The following PTPRM variants were observed in gnomAD, a reference collection of about 807,000 sequenced individuals.
PTPRM encodes the protein protein tyrosine phosphatase receptor type M, also known as receptor-type tyrosine-protein phosphatase mu.
In PTPRM, 47 loss-of-function variants were observed where a neutral mutation model predicts 186.7. That is an observed-to-expected ratio of 0.25 (90% CI 0.20 to 0.32). The LOEUF is 0.32. Among genes scored for constraint, PTPRM ranks in the 10% least tolerant of loss-of-function variants. The pLI is 1.00. For missense variants in PTPRM, 1,494 were observed against 1,865.0 expected, an observed-to-expected ratio of 0.80 and a Z score of 3.66; for synonymous variants, 668 against 674.9, an observed-to-expected ratio of 0.99 and a Z score of 0.16.
intron 14 of PTPRM, among the ~76,000 whole-genome samples, chr18:8,194,986 G>A (rs1400294190): frequency 1.3e-5 from 2 of 151,920 alleles, no homozygotes; most frequent in African/African-American, 4.8e-5. Flanking sequence ...GCACCTGAGG[G>A]CCCCACCATC....
intron 13 of PTPRM, among the ~76,000 whole-genome samples, chr18:8,142,717 AC>A (rs1345086600): frequency 1.3e-5 from 2 of 152,218 alleles, no homozygotes; most frequent in Non-Finnish European, 2.9e-5. Flanking sequence ...ATTCGGAATG[AC>A]CTGTCACCTA....
chr18:8,170,452 C>G (rs2093382641), intron 14 of PTPRM, among the ~76,000 whole-genome samples: 1 of 151,002 alleles, frequency 6.6e-6, no homozygotes, highest in African/African-American at 2.4e-5. Flanking sequence ...TTTTACCATT[C>G]TCTCTGTGCA....
At chr18:8,338,722 G>A (rs567917852) in intron 22 of PTPRM, among the ~76,000 whole-genome samples, 22 of 152,222 alleles carry the variant, frequency 1.4e-4, no homozygotes, top group Middle Eastern at 3.4e-3. Context: ...ACAGGACCTG[G>A]GAAACAGTAA....
chr18:8,258,952 T>G (rs1334613574), intron 19 of PTPRM, among the ~76,000 whole-genome samples: 2 of 152,180 alleles, frequency 1.3e-5, no homozygotes, highest in Non-Finnish European at 2.9e-5. Flanking sequence ...TTTTTTGTTT[T>G]TGTTTGTTTT....
At chr18:7,826,098 A>T (rs2045470471) in intron 2 of PTPRM, among the ~76,000 whole-genome samples, 1 of 152,198 alleles carries the variant, frequency 6.6e-6, no homozygotes, top group Non-Finnish European at 1.5e-5. Flanking sequence ...GTACAATAGC[A>T]GCGTTCAGAA....
chr18:7,744,496 G>T (rs182946299), intron 1 of PTPRM, among the ~76,000 whole-genome samples: 1 of 152,268 alleles, frequency 6.6e-6, no homozygotes, highest in East Asian at 1.9e-4. Context: ...ATTTTATGAG[G>T]TTCTGTTTTT....
At chr18:8,040,599 T>G (rs913220226) in intron 7 of PTPRM, among the ~76,000 whole-genome samples, 21 of 152,202 alleles carry the variant, frequency 1.4e-4, no homozygotes, top group African/African-American at 5.1e-4. Context: ...TTTCTTGTCG[T>G]TTGCTACCTT....
intron 7 of PTPRM, among the ~76,000 whole-genome samples, chr18:8,053,517 A>G (rs1054883204): frequency 6.6e-6 from 1 of 152,150 alleles, no homozygotes; most frequent in African/African-American, 2.4e-5. Flanking sequence ...GTTGTGCTCC[A>G]TGTCTGTTCT....
At chr18:7,998,897 T>TA (rs1244417106) in intron 7 of PTPRM, among the ~76,000 whole-genome samples, 1 of 152,182 alleles carries the variant, frequency 6.6e-6, no homozygotes, top group Non-Finnish European at 1.5e-5. Context: ...TCAAGTGATC[T>TA]ACCCGCCTTG....
At chr18:8,029,798 G>T (rs1444784562) in intron 7 of PTPRM, among the ~76,000 whole-genome samples, 1 of 152,166 alleles carries the variant, frequency 6.6e-6, no homozygotes, top group African/African-American at 2.4e-5. Flanking sequence ...GGAAATACTG[G>T]CTAAATTGAG....
At chr18:8,226,435 T>C (rs2094215163) in intron 14 of PTPRM, among the ~76,000 whole-genome samples, 1 of 152,180 alleles carries the variant, frequency 6.6e-6, no homozygotes, top group Non-Finnish European at 1.5e-5. Context: ...AACAAGAAAT[T>C]CAGAATCAGA....
chr18:8,038,625 G>C (rs1227432351), intron 7 of PTPRM, among the ~76,000 whole-genome samples: 7 of 152,104 alleles, frequency 4.6e-5, no homozygotes, highest in African/African-American at 1.4e-4. Flanking sequence ...CTCCTAGCCT[G>C]AAGTGACTCA....
At position 7,590,601 on chromosome 18, in the gene PTPRM, A is replaced by T. The variant is rs532295017; in HGVS notation, c.73+22710A>T. Among the ~76,000 whole-genome samples the T allele has an allele frequency of 2.6e-5, 4 of 152,340 alleles. No individual in the cohort carries two copies. In the East Asian group the frequency reaches 7.7e-4, roughly 29 times the overall value. On this transcript the variant is annotated intron_variant, in intron 1 of 32. Transcript: ENST00000580170. The stretch of plus-strand genomic sequence containing the variant: ...CTAAATATCCGACAATAGAGAGTGG[A>T]TTAAATCCTGGTATATTCATGTAAT...
intron 2 of PTPRM, among the ~76,000 whole-genome samples, chr18:7,854,302 C>A (rs1255480140): frequency 2.6e-5 from 4 of 151,912 alleles, no homozygotes; most frequent in Middle Eastern, 3.5e-3. Context: ...GGAATTCTGA[C>A]CTCATACTTC....
At chr18:8,172,216 C>T (rs183142533) in intron 14 of PTPRM, among the ~76,000 whole-genome samples, 16 of 150,176 alleles carry the variant, frequency 1.1e-4, no homozygotes, top group South Asian at 2.1e-4. Flanking sequence ...AGAAAGGTGG[C>T]AAAGATACAG....
At chr18:8,162,988 C>T (rs2093259310) in intron 14 of PTPRM, among the ~76,000 whole-genome samples, 1 of 152,190 alleles carries the variant, frequency 6.6e-6, no homozygotes, top group South Asian at 2.1e-4. Context: ...AGCCGTCAGC[C>T]ACACACCTGC....
At chr18:7,590,180 A>T (rs973940036) in intron 1 of PTPRM, among the ~76,000 whole-genome samples, 4 of 152,254 alleles carry the variant, frequency 2.6e-5, no homozygotes, top group Non-Finnish European at 4.4e-5. Context: ...AGCACAGGGA[A>T]TGGATGCTTA....
At chr18:8,249,855 A>G (rs542269385) in intron 17 of PTPRM, among the ~76,000 whole-genome samples, 17 of 152,304 alleles carry the variant, frequency 1.1e-4, no homozygotes, top group African/African-American at 4.1e-4. Flanking sequence ...AAAATAAGTC[A>G]CCCAGATAGA....
intron 4 of PTPRM, 44 bp from the exon 5 acceptor site, chr18:7,926,524 C>T: frequency 6.7e-7 from 1 of 1,486,234 alleles, no homozygotes; most frequent in Non-Finnish European, 9.2e-7. Context: ...ATATTAGTTA[C>T]AAATCTCCAC....
Sources: allele counts gnomAD v4.1 joint callset (sites outside exome capture counted in the v4.1 genomes callset), GRCh38; gene constraint gnomAD v4.1.1; transcripts MANE v1.5; gene names NCBI Gene and HGNC (gene_info 2026-07-23, HGNC 2026-07-21).